The following NAMPT variants were observed in gnomAD, a reference collection of about 807,000 sequenced individuals.
NAMPT encodes the protein nicotinamide phosphoribosyltransferase.
NAMPT carries 7 observed loss-of-function variants against 58.7 expected under a neutral mutation model. The ratio of observed to expected loss-of-function variants is 0.12; its 90% CI spans 0.07 to 0.22. The LOEUF (loss-of-function observed/expected upper bound fraction) is 0.22. Ranked by LOEUF, NAMPT falls within the 10% of genes least tolerant of loss-of-function variation. The probability of loss-of-function intolerance (pLI) is 1.00; values close to 1 mark genes in which losing one functional copy is unlikely to be tolerated. For missense variants in NAMPT, 271 were observed against 567.9 expected (o/e 0.48, Z 5.31); for synonymous variants, 145 against 198.1 (o/e 0.73, Z 2.25).
At chr7:106,260,307 G>A (rs1046705028) in intron 8 of NAMPT, among the ~76,000 whole-genome samples, 3 of 152,168 alleles carry the variant, frequency 2.0e-5, no homozygotes, top group Admixed American at 1.3e-4. Flanking sequence ...TCATGGAGAT[G>A]GCTTCTTTCC....
chr7:106,257,306 T>C (rs1425389433), intron 8 of NAMPT, among the ~76,000 whole-genome samples: 1 of 151,954 alleles, frequency 6.6e-6, no homozygotes, highest in African/African-American at 2.4e-5. Flanking sequence ...AGTTTTGGGC[T>C]GATTCTCAAC....
chr7:106,271,258 ACTAT>A lies in NAMPT; in HGVS notation c.447+1268_447+1271del, dbSNP rs57529289. On this transcript the variant is annotated intron_variant, in intron 4 of 10. Transcript: ENST00000222553. ...ACTTTTATGCTGCAGTCCCCATAGG[ACTAT>A]CTGTCATTCTAAGAACACTGTGCCA... Among the ~76,000 whole-genome samples, 653 of 152,222 alleles carry A rather than the reference ACTAT, an allele frequency of 4.3e-3. 3 individuals carry two copies. The highest frequency in any genetic ancestry group is 0.015 in the African/African-American group (617 of 41,520).
intron 9 of NAMPT, among the ~76,000 whole-genome samples, chr7:106,253,791 T>G (rs935608574): frequency 6.6e-6 from 1 of 152,038 alleles, no homozygotes; most frequent in Non-Finnish European, 1.5e-5. Context: ...CAAAGAAAGA[T>G]CAAAGAGTGA....
intron 8 of NAMPT, among the ~76,000 whole-genome samples, chr7:106,260,033 G>A (rs1586014695): frequency 6.6e-6 from 1 of 152,148 alleles, no homozygotes; most frequent in Non-Finnish European, 1.5e-5. Flanking sequence ...AAGGGTCCTA[G>A]GATTATCAGA....
chr7:106,251,392 T>C (rs1792101529), intron 10 of NAMPT, among the ~76,000 whole-genome samples, 199 bp from the exon 11 acceptor site: 1 of 152,128 alleles, frequency 6.6e-6, no homozygotes, highest in Non-Finnish European at 1.5e-5. Flanking sequence ...GCCTGGTATG[T>C]AGAAATATTT....
chr7:106,276,606 G>C (rs1217850180), intron 2 of NAMPT: 1 of 166,086 alleles, frequency 6.0e-6, no homozygotes, highest in Non-Finnish European at 1.3e-5. Flanking sequence ...ACTTTGGTGG[G>C]CCGAGACAGG....
At chr7:106,253,886 C>T (rs1241206742) in intron 9 of NAMPT, among the ~76,000 whole-genome samples, 1 of 152,118 alleles carries the variant, frequency 6.6e-6, no homozygotes, top group Admixed American at 6.6e-5. Context: ...GCTCTCAAGA[C>T]GTTACAAAGA....
chr7:106,266,464 C>G (rs529204431), intron 6 of NAMPT, among the ~76,000 whole-genome samples: 1 of 152,226 alleles, frequency 6.6e-6, no homozygotes, highest in South Asian at 2.1e-4. Flanking sequence ...ACTCTTAAAA[C>G]TTTGTTAAAG....
chr7:106,265,293 G>A (rs902394596), intron 6 of NAMPT, among the ~76,000 whole-genome samples: 4 of 152,002 alleles, frequency 2.6e-5, no homozygotes, highest in African/African-American at 4.8e-5. Flanking sequence ...GTCACCTAAC[G>A]ATCTACTTGT....
intron 6 of NAMPT, among the ~76,000 whole-genome samples, chr7:106,264,050 T>C (rs369829808): frequency 6.6e-6 from 1 of 152,124 alleles, no homozygotes; most frequent in Non-Finnish European, 1.5e-5. Context: ...CTGTGAATTT[T>C]TGAAACTATA....
chr7:106,280,723 C>T (rs1035574619), intron 1 of NAMPT, among the ~76,000 whole-genome samples: 3 of 152,038 alleles, frequency 2.0e-5, no homozygotes, highest in Admixed American at 1.3e-4. Flanking sequence ...GGGTGGATCA[C>T]GAGGTCGGGA....
chr7:106,266,844 T>C (rs1024315877), intron 6 of NAMPT, among the ~76,000 whole-genome samples: 1 of 152,334 alleles, frequency 6.6e-6, no homozygotes, highest in East Asian at 1.9e-4. Context: ...TGTCAGTGCC[T>C]GCTTCCATTT....
chr7:106,265,547 G>T (rs1792393414), intron 6 of NAMPT, among the ~76,000 whole-genome samples: 1 of 135,936 alleles, frequency 7.4e-6, no homozygotes, highest in African/African-American at 2.9e-5. Context: ...AACATACCTT[G>T]TGTGAAACAC....
At chr7:106,269,049 A>C in intron 5 of NAMPT, 105 bp downstream of exon 5, 1 of 1,107,846 alleles carries the variant, frequency 9.0e-7, no homozygotes, top group Non-Finnish European at 1.3e-6. Flanking sequence ...GAATCTTTGG[A>C]ATTTTAGAAC....
At chr7:106,258,905 G>A (rs1037124273) in intron 8 of NAMPT, among the ~76,000 whole-genome samples, 28 of 151,110 alleles carry the variant, frequency 1.9e-4, no homozygotes, top group Non-Finnish European at 3.2e-4. Context: ...AGTTTGTCAC[G>A]TCAATTGACT....
intron 1 of NAMPT, among the ~76,000 whole-genome samples, chr7:106,281,453 T>A (rs1049735757): frequency 2.6e-5 from 4 of 152,180 alleles, no homozygotes; most frequent in Non-Finnish European, 4.4e-5. Flanking sequence ...CAAGTCAACA[T>A]TTAAAAAATA....
At chr7:106,275,268 T>C (rs1269019862) in intron 2 of NAMPT, 2 of 320,770 alleles carry the variant, frequency 6.2e-6, no homozygotes, top group East Asian at 5.0e-5. Flanking sequence ...TAAAAGCAGA[T>C]GTGTAATAGA....
At chr7:106,284,144 G>A (rs1244464011) in intron 1 of NAMPT, among the ~76,000 whole-genome samples, 4 of 152,146 alleles carry the variant, frequency 2.6e-5, no homozygotes, top group Non-Finnish European at 5.9e-5. Flanking sequence ...TAAGAGCAGA[G>A]CGGCCTCTAC....
At chr7:106,265,459 G>A (rs1487452803) in intron 6 of NAMPT, among the ~76,000 whole-genome samples, 3 of 150,350 alleles carry the variant, frequency 2.0e-5, no homozygotes, top group African/African-American at 4.9e-5. Context: ...CTTCCCAGAT[G>A]CTGTGCTCTC....
Sources: allele counts gnomAD v4.1 joint callset (sites outside exome capture counted in the v4.1 genomes callset), GRCh38; gene constraint gnomAD v4.1.1; transcripts MANE v1.5; gene names NCBI Gene and HGNC (gene_info 2026-07-23, HGNC 2026-07-21).